Variants in TMEM132C observed in about 807,000 individuals in gnomAD.
TMEM132C encodes the protein transmembrane protein 132C.
In TMEM132C, 29 loss-of-function variants were observed where a neutral mutation model predicts 61.4. That is an observed-to-expected ratio of 0.47 (90% confidence interval 0.35 to 0.64). TMEM132C has a LOEUF of 0.64. TMEM132C is among the 30% of genes least tolerant of loss of function. The pLI, the probability that TMEM132C is intolerant of heterozygous loss-of-function variation, is 0.00. For synonymous variants in TMEM132C, 656 were observed against 633.1 expected, an observed-to-expected ratio of 1.04 and a Z score of -0.54; for missense variants, 1,408 against 1,476.9, an observed-to-expected ratio of 0.95 and a Z score of 0.76.
chr12:128,560,618 T>G (rs1565974624), intron 3 of TMEM132C, among the ~76,000 whole-genome samples: 1 of 152,242 alleles, frequency 6.6e-6, no homozygotes, highest in South Asian at 2.1e-4. Context: ...GGAATCACCT[T>G]GTTTCTTTGT....
intron 4 of TMEM132C, among the ~76,000 whole-genome samples, chr12:128,660,219 A>C (rs1954372993): frequency 6.6e-6 from 1 of 152,190 alleles, no homozygotes; most frequent in Non-Finnish European, 1.5e-5. Context: ...AGATGGTGTC[A>C]CTGTCCAGCT....
chr12:128,633,940 A>T (rs190347563), intron 4 of TMEM132C, among the ~76,000 whole-genome samples: 106 of 152,382 alleles, frequency 7.0e-4, no homozygotes, highest in African/African-American at 2.1e-3. Flanking sequence ...TTCATATACA[A>T]AATTGCCTAT....
chr12:128,583,385 T>C (rs549159951), intron 3 of TMEM132C, among the ~76,000 whole-genome samples: 1 of 120,426 alleles, frequency 8.3e-6, no homozygotes, highest in Admixed American at 8.4e-5. Flanking sequence ...TTATGCAGAA[T>C]ATTGGTCAAA....
intron 2 of TMEM132C, among the ~76,000 whole-genome samples, chr12:128,482,429 A>G (rs79022883): frequency 0.061 from 9,267 of 152,170 alleles, 905 homozygotes; most frequent in African/African-American, 0.2. Flanking sequence ...ATTGACCTGA[A>G]TTTTTGTTGT....
intron 3 of TMEM132C, among the ~76,000 whole-genome samples, chr12:128,564,644 A>C (rs2136166250): frequency 6.6e-6 from 1 of 152,324 alleles, no homozygotes; most frequent in Non-Finnish European, 1.5e-5. Context: ...TGCCATTTAA[A>C]ATCAGTTCTG....
chr12:128,662,337 TCCAAAC>T (rs972703557), intron 4 of TMEM132C, among the ~76,000 whole-genome samples: 1 of 152,196 alleles, frequency 6.6e-6, no homozygotes, highest in Non-Finnish European at 1.5e-5. Flanking sequence ...TGGACTTTGT[TCCAAAC>T]CCTGACAGGC....
intron 1 of TMEM132C, among the ~76,000 whole-genome samples, chr12:128,331,830 C>A (rs923263942): frequency 1.3e-5 from 2 of 152,144 alleles, no homozygotes; most frequent in African/African-American, 4.8e-5. Flanking sequence ...ATTTTTAGTT[C>A]TTTGAGAAAT....
intron 1 of TMEM132C, among the ~76,000 whole-genome samples, chr12:128,305,643 C>G (rs1871748282): frequency 6.6e-6 from 1 of 151,692 alleles, no homozygotes; most frequent in East Asian, 1.9e-4. Context: ...ATCTTATGCT[C>G]TAATGGAAGA....
chr12:128,655,649 A>C (rs1273840633), intron 4 of TMEM132C, among the ~76,000 whole-genome samples: 1 of 151,820 alleles, frequency 6.6e-6, no homozygotes, highest in Non-Finnish European at 1.5e-5. Flanking sequence ...CCTTCCTCTT[A>C]TAACAGCCTT....
chr12:128,544,079 G>A lies in TMEM132C; in HGVS notation c.1097G>A (p.Arg366His), dbSNP rs201621009. The A allele has an allele frequency of 5.0e-3, 7,651 of 1,542,136 alleles. 29 individuals carry two copies. Among genetic ancestry groups the A allele is most frequent in the Non-Finnish European group, 6.3e-3 (7,176 of 1,142,598 alleles). The change falls in exon 3 of 9, where the codon CGC (arginine) becomes CAC (histidine). Residue 366 changes from arginine to histidine, a missense_variant. Arg to His is a conservative substitution (Grantham distance 29). Transcript: ENST00000435159. ...KHVTATVACQ[R>H]LGPSPRNRSS... ...GTGACGGCCACCGTGGCCTGCCAGCGCCTGGGGCCCAGCCCACGCAACAGG... is the reference window on the plus strand; with the variant it reads ...GTGACGGCCACCGTGGCCTGCCAGCACCTGGGGCCCAGCCCACGCAACAGG...
chr12:128,477,188 G>A (rs929233200), intron 2 of TMEM132C, among the ~76,000 whole-genome samples: 6 of 152,158 alleles, frequency 3.9e-5, no homozygotes, highest in African/African-American at 1.4e-4. Context: ...GCTGGTCTGG[G>A]AATTCTGCTA....
At chr12:128,425,197 A>C (rs1229169939) in intron 2 of TMEM132C, among the ~76,000 whole-genome samples, 1 of 152,204 alleles carries the variant, frequency 6.6e-6, no homozygotes, top group African/African-American at 2.4e-5. Flanking sequence ...TCTAATGAAG[A>C]CACTATCTCC....
intron 2 of TMEM132C, among the ~76,000 whole-genome samples, chr12:128,431,103 A>C (rs1869369358): frequency 6.6e-6 from 1 of 152,224 alleles, no homozygotes; most frequent in African/African-American, 2.4e-5. Context: ...AACGCAAAGG[A>C]AAGTTCTGGA....
chr12:128,304,979 G>A (rs1871720090), intron 1 of TMEM132C, among the ~76,000 whole-genome samples: 1 of 152,192 alleles, frequency 6.6e-6, no homozygotes, highest in Admixed American at 6.5e-5. Context: ...GGCTGTGGCT[G>A]AGAGGAGGGG....
At chr12:128,639,011 T>C (rs1954126645) in intron 4 of TMEM132C, among the ~76,000 whole-genome samples, 2 of 117,250 alleles carry the variant, frequency 1.7e-5, no homozygotes, top group Non-Finnish European at 3.6e-5. Flanking sequence ...GTGATGATGA[T>C]GGTGGTGATG....
At chr12:128,492,239 T>C (rs1464005569) in intron 2 of TMEM132C, among the ~76,000 whole-genome samples, 1 of 152,214 alleles carries the variant, frequency 6.6e-6, no homozygotes, top group Non-Finnish European at 1.5e-5. Context: ...TTTTCTTAAT[T>C]CAGTCTATCA....
chr12:128,580,458 C>T (rs907088411), intron 3 of TMEM132C, among the ~76,000 whole-genome samples: 2 of 151,910 alleles, frequency 1.3e-5, no homozygotes, highest in African/African-American at 4.8e-5. Context: ...TAAAAGCAAA[C>T]AAACATAACC....
At chr12:128,360,790 C>T (rs1008505637) in intron 1 of TMEM132C, among the ~76,000 whole-genome samples, 2 of 152,184 alleles carry the variant, frequency 1.3e-5, no homozygotes, top group Admixed American at 1.3e-4. Flanking sequence ...GATCCCTGTC[C>T]ATCCACACCT....
intron 2 of TMEM132C, among the ~76,000 whole-genome samples, chr12:128,518,939 C>G (rs990379591): frequency 1.3e-5 from 2 of 152,068 alleles, no homozygotes; most frequent in Admixed American, 1.3e-4. Flanking sequence ...CACCCCCTGC[C>G]TTTGTGTTAA....
Sources: gnomAD v4.1 joint callset for allele counts (sites outside exome capture counted in the v4.1 genomes callset) on GRCh38, gnomAD v4.1.1 for gene constraint, MANE v1.5 for transcripts, NCBI Gene and HGNC (gene_info 2026-07-23, HGNC 2026-07-21) for gene names.